The following SIAE variants were observed in gnomAD, a reference collection of about 807,000 sequenced individuals.
SIAE encodes the protein sialic acid acetylesterase.
A neutral mutation model predicts 52.6 loss-of-function variants in SIAE; 39 were observed. The ratio of observed to expected loss-of-function variants is 0.74; its 90% CI spans 0.57 to 0.97. The LOEUF (loss-of-function observed/expected upper bound fraction) is 0.97. SIAE is among the 50% of genes least tolerant of loss of function. The probability of loss-of-function intolerance (pLI) is 0.00; values close to 1 mark genes in which losing one functional copy is unlikely to be tolerated. For synonymous variants in SIAE, 233 were observed against 241.4 expected, an observed-to-expected ratio of 0.97 and a Z score of 0.32; for missense variants, 592 against 662.1, an observed-to-expected ratio of 0.89 and a Z score of 1.16.
In SIAE at chr11:124,666,261, A is replaced by G. The variant is rs144054195; in HGVS notation, c.229+3099T>C. ...AAGTTAAATATTACCAGAGGCAGAC[A>G]AAGCAGCAAATTGAGGTAATGTGGC... On this transcript the variant is annotated intron_variant, in intron 2 of 9. Transcript: ENST00000263593. Among the ~76,000 whole-genome samples, 6 of 152,332 alleles carry G rather than the reference A, an allele frequency of 3.9e-5. No individual in the cohort carries two copies. In the East Asian group the frequency reaches 1.2e-3, roughly 29 times the overall value.
chr11:124,649,072 G>A (rs1942980424), intron 5 of SIAE, among the ~76,000 whole-genome samples: 1 of 152,158 alleles, frequency 6.6e-6, no homozygotes, highest in South Asian at 2.1e-4. Context: ...CTAAGCAGGT[G>A]TTCATAATCA....
intron 2 of SIAE, 98 bp downstream of exon 2, chr11:124,669,262 G>A (rs966951983): frequency 3.5e-6 from 5 of 1,433,282 alleles, no homozygotes; most frequent in South Asian, 2.3e-5. Context: ...ATGTAGGGAC[G>A]GATGGATAAT....
chr11:124,664,095 A>G (rs1943234714), intron 2 of SIAE, among the ~76,000 whole-genome samples: 1 of 152,114 alleles, frequency 6.6e-6, no homozygotes, highest in Non-Finnish European at 1.5e-5. Flanking sequence ...AGCTACTTAG[A>G]GTGCTTAGTG....
At chr11:124,653,474 A>T (rs544584889) in intron 4 of SIAE, among the ~76,000 whole-genome samples, 1 of 152,286 alleles carries the variant, frequency 6.6e-6, no homozygotes, top group South Asian at 2.1e-4. Flanking sequence ...GAGAAGTAGG[A>T]AAAGAAAGTA....
chr11:124,639,802 T>A lies in SIAE; in HGVS notation c.1032A>T (p.Thr344=), dbSNP rs1424431187. Residue 344 remains threonine, a synonymous_variant, in exon 8 of 10, where the codon ACA becomes ACT. Transcript: ENST00000263593. ...DGFPQIRWHQ[T]ADFGYVPNPK... The stretch of plus-strand genomic sequence containing the variant: ...GGTTGGGGACATAGCCGAAGTCTGC[T>A]GTTTGATGCCAACGGATCTGGGGAA... 1 of 1,614,118 alleles carries A rather than the reference T, an allele frequency of 6.2e-7. No individual in the cohort carries two copies. The highest frequency in any genetic ancestry group is 8.5e-7 in the Non-Finnish European group (1 of 1,180,046).
At chr11:124,673,556 G>T in intron 1 of SIAE, 86 bp downstream of exon 1, 1 of 1,473,488 alleles carries the variant, frequency 6.8e-7, no homozygotes, top group Non-Finnish European at 9.3e-7. Context: ...AGAAAGGGGC[G>T]CGGATCCGTG....
chr11:124,669,261 C>T (rs759868293), intron 2 of SIAE, 99 bp downstream of exon 2: 7 of 1,431,400 alleles, frequency 4.9e-6, no homozygotes, highest in Non-Finnish European at 6.9e-6. Flanking sequence ...GATGTAGGGA[C>T]GGATGGATAA....
chr11:124,654,546 G>A (rs1943066935), intron 4 of SIAE, 109 bp downstream of exon 4: 1 of 1,605,472 alleles, frequency 6.2e-7, no homozygotes, highest in South Asian at 1.1e-5. Flanking sequence ...AGGAATAAAA[G>A]GCATGAGTAA....
intron 1 of SIAE, among the ~76,000 whole-genome samples, chr11:124,669,778 A>C (rs997250098): frequency 1.3e-5 from 2 of 152,232 alleles, no homozygotes; most frequent in African/African-American, 4.8e-5. Flanking sequence ...CCAATGGACC[A>C]TAGTCTTCCC....
intron 2 of SIAE, among the ~76,000 whole-genome samples, chr11:124,663,347 C>T (rs1293890566): frequency 6.6e-6 from 1 of 152,144 alleles, no homozygotes; most frequent in Admixed American, 6.5e-5. Context: ...GAGGCCGAGG[C>T]AGGCGGATCA....
Position 124,633,847 on chromosome 11 carries a change from C to T in SIAE, c.*3104G>A, listed in dbSNP as rs572431046. 25 of 152,246 alleles carry T rather than the reference C, an allele frequency of 1.6e-4. No homozygotes were observed. Among genetic ancestry groups the T allele is most frequent in the African/African-American group, 5.3e-4 (22 of 41,528 alleles). 9.4% of individuals were successfully genotyped at this position (152,246 alleles called of 1,614,324 possible). A position where few individuals can be genotyped will look rare whatever the true frequency, so the allele number is the denominator to read the frequency against. On this transcript the variant is annotated 3_prime_UTR_variant, in exon 10 of 10. Transcript: ENST00000263593. Reference sequence around the variant, plus strand: ...TTATCATATAACAAATATTTTCCCACTATTACAGCCTGAGTAATACCCGTA... The same window carrying T: ...TTATCATATAACAAATATTTTCCCATTATTACAGCCTGAGTAATACCCGTA...
intron 4 of SIAE, among the ~76,000 whole-genome samples, chr11:124,653,927 C>T (rs1232893090): frequency 6.6e-6 from 1 of 152,278 alleles, no homozygotes; most frequent in East Asian, 1.9e-4. Flanking sequence ...GCCTGTAATC[C>T]CAGCACTTTG....
chr11:124,652,644 A>G (rs1591389335), intron 4 of SIAE, among the ~76,000 whole-genome samples: 1 of 151,036 alleles, frequency 6.6e-6, no homozygotes, highest in African/African-American at 2.4e-5. Context: ...CAGTGAGCCA[A>G]GATCACATCA....
intron 6 of SIAE, 84 bp downstream of exon 6, chr11:124,647,982 C>A (rs1193207556): frequency 9.3e-7 from 1 of 1,073,524 alleles, no homozygotes; most frequent in Non-Finnish European, 1.4e-6. Flanking sequence ...GTTATTGTTG[C>A]TTTAAGCCAC....
chr11:124,643,412 T>C (rs1418920261), intron 7 of SIAE, among the ~76,000 whole-genome samples: 1 of 152,022 alleles, frequency 6.6e-6, no homozygotes, highest in Non-Finnish European at 1.5e-5. Flanking sequence ...TTTGATATAT[T>C]GAGAATATCC....
intron 3 of SIAE, among the ~76,000 whole-genome samples, chr11:124,656,217 GT>G (rs1306631175): frequency 6.6e-6 from 1 of 152,052 alleles, no homozygotes; most frequent in African/African-American, 2.4e-5. Context: ...CGTATGTATT[GT>G]TTTTTCAATG....
At chr11:124,671,386 A>G (rs1248627410) in intron 1 of SIAE, among the ~76,000 whole-genome samples, 1 of 152,188 alleles carries the variant, frequency 6.6e-6, no homozygotes, top group East Asian at 1.9e-4. Context: ...TAATAATAGC[A>G]GGCAAAAATC....
chr11:124,652,990 C>CTT (rs1943038932), intron 4 of SIAE, among the ~76,000 whole-genome samples: 1 of 152,166 alleles, frequency 6.6e-6, no homozygotes, highest in Non-Finnish European at 1.5e-5. Context: ...GATAACAAGG[C>CTT]ATAATACATT....
At chr11:124,672,070 C>G (rs1943368813) in intron 1 of SIAE, among the ~76,000 whole-genome samples, 1 of 151,730 alleles carries the variant, frequency 6.6e-6, no homozygotes, top group Non-Finnish European at 1.5e-5. Context: ...GCCACCGCGC[C>G]TGGCCAATTT....
Sources: allele counts gnomAD v4.1 joint callset (sites outside exome capture counted in the v4.1 genomes callset), GRCh38; gene constraint gnomAD v4.1.1; transcripts MANE v1.5; gene names NCBI Gene and HGNC (gene_info 2026-07-23, HGNC 2026-07-21).